IL34: variants seen among roughly 807,000 people sequenced by gnomAD.
The protein encoded by IL34 is interleukin 34, also known as interleukin-34.
A neutral mutation model predicts 25.3 loss-of-function variants in IL34; 17 were observed. The observed-to-expected ratio is 0.67, with a 90% confidence interval of 0.46 to 1.01. The LOEUF is 1.01. Among genes scored for constraint, IL34 ranks in the 50% least tolerant of loss-of-function variants. The pLI is 0.00. For synonymous variants in IL34, 174 were observed against 140.9 expected (o/e 1.23, Z -1.66); for missense variants, 368 against 312.9 (o/e 1.18, Z -1.33).
At chr16:70,637,442 G>T (rs143899284) in intron 1 of IL34, among the ~76,000 whole-genome samples, 2 of 151,644 alleles carry the variant, frequency 1.3e-5, no homozygotes, top group Non-Finnish European at 2.9e-5. Flanking sequence ...TCTGCCTCTC[G>T]GGTTCAAGTA....
intron 1 of IL34, among the ~76,000 whole-genome samples, chr16:70,625,941 C>T (rs2151843484): frequency 6.6e-6 from 1 of 152,304 alleles, no homozygotes; most frequent in South Asian, 2.1e-4. Flanking sequence ...ATCTTTCTCA[C>T]AGAGCAAAGA....
At chr16:70,635,128 G>T (rs2051612595) in intron 1 of IL34, among the ~76,000 whole-genome samples, 1 of 152,172 alleles carries the variant, frequency 6.6e-6, no homozygotes, top group Non-Finnish European at 1.5e-5. Context: ...GGATTGCTGG[G>T]TCAGAGTCTA....
At chr16:70,608,127 T>C (rs139905730) in intron 1 of IL34, among the ~76,000 whole-genome samples, 34 of 42,246 alleles carry the variant, frequency 8.0e-4, no homozygotes, top group African/African-American at 2.1e-3. Flanking sequence ...TTCTTTTTTC[T>C]TTTTTTTTTT....
At chr16:70,658,937 T>C (rs1210343823) in intron 4 of IL34, among the ~76,000 whole-genome samples, 1 of 152,222 alleles carries the variant, frequency 6.6e-6, no homozygotes, top group Non-Finnish European at 1.5e-5. Flanking sequence ...TAGGGTCACA[T>C]TCACGGGTAC....
chr16:70,615,720 G>A (rs1469868945), intron 1 of IL34, among the ~76,000 whole-genome samples: 1 of 152,168 alleles, frequency 6.6e-6, no homozygotes, highest in African/African-American at 2.4e-5. Context: ...GGAGTCTGAG[G>A]TGGGGCAAAT....
At chr16:70,624,377 G>A (rs972125853) in intron 1 of IL34, among the ~76,000 whole-genome samples, 11 of 152,140 alleles carry the variant, frequency 7.2e-5, no homozygotes, top group South Asian at 6.2e-4. Flanking sequence ...CTTTTTTTCT[G>A]TTACTGTACA....
intron 1 of IL34, among the ~76,000 whole-genome samples, chr16:70,608,750 C>G (rs536812243): frequency 6.6e-6 from 1 of 152,372 alleles, no homozygotes; most frequent in African/African-American, 2.4e-5. Flanking sequence ...CTGCCTCTCT[C>G]TCTTGCCTGG....
chr16:70,592,094 C>T (rs1229073625), intron 1 of IL34, among the ~76,000 whole-genome samples: 1 of 151,898 alleles, frequency 6.6e-6, no homozygotes, highest in Non-Finnish European at 1.5e-5. Flanking sequence ...CCCCCACCAC[C>T]TGCTCCAGGT....
chr16:70,585,965 C>T (rs1229509075), intron 1 of IL34, among the ~76,000 whole-genome samples: 1 of 151,712 alleles, frequency 6.6e-6, no homozygotes, highest in Non-Finnish European at 1.5e-5. Context: ...TCCCAAGTAG[C>T]TGGGACTACA....
chr16:70,660,006 G>A lies in IL34; in HGVS notation c.548G>A (p.Ser183Asn). 6.3e-7 allele frequency: 1 copy of A among 1,584,974 alleles called. No homozygotes were observed. The highest frequency in any genetic ancestry group is 1.2e-5 in the South Asian group (1 of 85,662). ...ELLYCSCCKQSSVLNWQDCEV... is the reference protein window; with the variant it reads ...ELLYCSCCKQNSVLNWQDCEV... ...CCCCTATCTCTTGCAGGTAAACAAA[G>A]CTCCGTCCTAAACTGGCAGGACTGT... The change falls in exon 6 of 6, where the codon AGC (serine) becomes AAC (asparagine). Residue 183 changes from serine (S) to asparagine (N), a missense_variant. Transcript: ENST00000288098.
chr16:70,647,900 G>C (rs1356257725), intron 1 of IL34, among the ~76,000 whole-genome samples: 3 of 152,232 alleles, frequency 2.0e-5, no homozygotes, highest in Admixed American at 6.5e-5. Flanking sequence ...GGTGCAGCAT[G>C]GGGGAGGGGC....
At chr16:70,642,844 A>G (rs1567459777), upstream of IL34, among the ~76,000 whole-genome samples, 1 of 152,008 alleles carries the variant, frequency 6.6e-6, no homozygotes, top group Non-Finnish European at 1.5e-5. Flanking sequence ...AATCAATCCC[A>G]TTTATATGAA....
At chr16:70,603,102 A>T (rs914644275) in intron 1 of IL34, among the ~76,000 whole-genome samples, 3 of 152,050 alleles carry the variant, frequency 2.0e-5, no homozygotes, top group African/African-American at 7.3e-5. Context: ...CGTGACTGAC[A>T]TCTGCGCTGT....
chr16:70,621,006 G>T (rs1006544229), intron 1 of IL34, among the ~76,000 whole-genome samples: 1 of 152,124 alleles, frequency 6.6e-6, no homozygotes, highest in Non-Finnish European at 1.5e-5. Flanking sequence ...AGCAGAGAAG[G>T]GGTTGGGGCA....
rs57095554 is a variant in IL34, at chr16:70,636,771, C to CAAACAAAACA, written c.-400-9763_-400-9754dup. 5.5e-3 allele frequency among the ~76,000 whole-genome samples: 827 copies of CAAACAAAACA among 150,978 alleles called. 6 individuals are homozygous for CAAACAAAACA. The highest frequency in any genetic ancestry group is 8.1e-3 in the Non-Finnish European group (552 of 67,748). ...CAACAGAGAGAAACCCTGTCTCAAA[C>CAAACAAAACA]AAACAAAACAAAACAAAACAAAAAA... On this transcript the variant is annotated intron_variant, in intron 1 of 6. Transcript: ENST00000429149.
chr16:70,619,756 G>T (rs1413705546), intron 1 of IL34, among the ~76,000 whole-genome samples: 1 of 152,068 alleles, frequency 6.6e-6, no homozygotes, highest in Non-Finnish European at 1.5e-5. Flanking sequence ...GATCTGGGAA[G>T]GAGTCAGTCA....
intron 2 of IL34, among the ~76,000 whole-genome samples, chr16:70,655,599 C>T (rs1421845808): frequency 6.6e-6 from 1 of 151,834 alleles, no homozygotes; most frequent in Non-Finnish European, 1.5e-5. Flanking sequence ...ACCATGTTGC[C>T]CAGGGTGGTC....
chr16:70,607,122 G>C (rs2051017552), intron 1 of IL34, among the ~76,000 whole-genome samples: 1 of 151,668 alleles, frequency 6.6e-6, no homozygotes, highest in Admixed American at 6.6e-5. Flanking sequence ...CTTTTTTTGA[G>C]ACAGAGTCTC....
intron 1 of IL34, among the ~76,000 whole-genome samples, chr16:70,600,793 A>G (rs1324550003): frequency 6.6e-6 from 1 of 152,026 alleles, no homozygotes; most frequent in Non-Finnish European, 1.5e-5. Flanking sequence ...GAATGCTGGG[A>G]GAGATGGGGA....
Sources: gnomAD v4.1 joint callset for allele counts (sites outside exome capture counted in the v4.1 genomes callset) on GRCh38, gnomAD v4.1.1 for gene constraint, MANE v1.5 for transcripts, NCBI Gene and HGNC (gene_info 2026-07-23, HGNC 2026-07-21) for gene names.